TTC6: variants seen among roughly 807,000 people sequenced by gnomAD.
TTC6 encodes the protein tetratricopeptide repeat protein 6.
A neutral mutation model predicts 210.4 loss-of-function variants in TTC6; 172 were observed. The observed-to-expected ratio is 0.82, with a 90% CI of 0.72 to 0.93. The LOEUF is 0.93. Ranked by LOEUF, TTC6 falls within the 40% of genes least tolerant of loss-of-function variation. The pLI is 0.00. For missense variants in TTC6, 2,414 were observed against 2,318.1 expected (o/e 1.04, Z -0.85); for synonymous variants, 804 against 819.6 (o/e 0.98, Z 0.32).
chr14:37,680,706 C>G (rs1202111893), intron 2 of TTC6, among the ~76,000 whole-genome samples: 4 of 152,118 alleles, frequency 2.6e-5, no homozygotes, highest in African/African-American at 9.7e-5. Context: ...TTTTATCCAT[C>G]ATTGGTAAAA....
chr14:37,812,888 C>T (rs2096132910), intron 25 of TTC6, among the ~76,000 whole-genome samples: 1 of 152,168 alleles, frequency 6.6e-6, no homozygotes, highest in South Asian at 2.1e-4. Flanking sequence ...TGGTGACAGG[C>T]ATTTAGAATC....
intron 2 of TTC6, among the ~76,000 whole-genome samples, chr14:37,681,241 C>A (rs1469549983): frequency 6.6e-6 from 1 of 152,278 alleles, no homozygotes; most frequent in East Asian, 1.9e-4. Flanking sequence ...ATCAAAACTT[C>A]TGACCTCGAC....
intron 2 of TTC6, among the ~76,000 whole-genome samples, chr14:37,607,901 G>T (rs2095628009): frequency 6.6e-6 from 1 of 152,192 alleles, no homozygotes. Flanking sequence ...GATGCCCTCA[G>T]AAATCTATAA....
intron 14 of TTC6, among the ~76,000 whole-genome samples, chr14:37,780,192 A>G (rs1417424072): frequency 6.6e-6 from 1 of 152,240 alleles, no homozygotes; most frequent in East Asian, 1.9e-4. Context: ...TTAAAAATAA[A>G]TACAAAGCTC....
chr14:37,721,356 T>C (rs137941845), intron 6 of TTC6, among the ~76,000 whole-genome samples: 76 of 152,298 alleles, frequency 5.0e-4, no homozygotes, highest in Non-Finnish European at 8.1e-4. Context: ...CATTTCAGTA[T>C]AATACACAAT....
intron 14 of TTC6, among the ~76,000 whole-genome samples, chr14:37,754,027 C>T (rs567452267): frequency 6.6e-6 from 1 of 151,944 alleles, no homozygotes; most frequent in Non-Finnish European, 1.5e-5. Context: ...TATATAATCA[C>T]GTCTACTGAT....
At chr14:37,812,340 G>A (rs756849985) in exon 25 of TTC6, 13 of 1,612,976 alleles carry the variant, frequency 8.1e-6, no homozygotes, top group Non-Finnish European at 1.0e-5. Context: ...GAATTGTGCT[G>A]CTTCTTGATG....
At chr14:37,710,191 A>T (rs931958416) in intron 5 of TTC6, among the ~76,000 whole-genome samples, 1 of 152,150 alleles carries the variant, frequency 6.6e-6, no homozygotes, top group Non-Finnish European at 1.5e-5. Flanking sequence ...CCAAAGAGCA[A>T]GATAAATTTG....
At chr14:37,703,370 T>G (rs2095829232) in intron 5 of TTC6, among the ~76,000 whole-genome samples, 1 of 152,148 alleles carries the variant, frequency 6.6e-6, no homozygotes, top group Admixed American at 6.6e-5. Context: ...AATAAGAAGT[T>G]AATTTAAGTA....
At chr14:37,790,782 C>T in exon 16 of TTC6, 1 of 1,534,830 alleles carries the variant, frequency 6.5e-7, no homozygotes. Context: ...CTATGCACAT[C>T]TAAAACTTTG....
chr14:37,726,629 G>A (rs1366658919), intron 7 of TTC6, among the ~76,000 whole-genome samples: 1 of 151,932 alleles, frequency 6.6e-6, no homozygotes, highest in African/African-American at 2.4e-5. Context: ...TAACTGGATA[G>A]CATTTCATCA....
intron 14 of TTC6, among the ~76,000 whole-genome samples, chr14:37,786,383 C>G (rs1037427263): frequency 3.9e-5 from 6 of 152,330 alleles, no homozygotes; most frequent in Middle Eastern, 3.4e-3. Context: ...GACTGCTGTG[C>G]TAGCAGTGAG....
rs571396626 is a variant in TTC6 at position 37,786,672 on chromosome 14, G to A, written c.3267-796G>A. Reference sequence around the variant, plus strand: ...CGACAAGCCCCAGTGAGATGAACCCGGTACCTCAGTTGGAAATGCAGGAAT... The same window carrying A: ...CGACAAGCCCCAGTGAGATGAACCCAGTACCTCAGTTGGAAATGCAGGAAT... On this transcript the variant is annotated intron_variant, in intron 14 of 30. Coordinates refer to ENST00000553443, the Ensembl canonical transcript of TTC6. 1.1e-4 allele frequency among the ~76,000 whole-genome samples: 17 copies of A among 152,274 alleles called. No individual in the cohort carries two copies. In the East Asian group the frequency reaches 1.5e-3, roughly 14 times the overall value.
exon 1 of TTC6, chr14:37,622,710 G>A: frequency 6.5e-7 from 1 of 1,535,056 alleles, no homozygotes; most frequent in Non-Finnish European, 8.7e-7. Context: ...CGGCTACATG[G>A]AGGCCAGCAG....
chr14:37,743,030 A>T (rs1374431073), intron 10 of TTC6, among the ~76,000 whole-genome samples: 1 of 152,170 alleles, frequency 6.6e-6, no homozygotes, highest in Non-Finnish European at 1.5e-5. Flanking sequence ...ACTGTTCAAA[A>T]TTTCTGTTTC....
At chr14:37,752,032 C>A (rs187980959) in intron 13 of TTC6, among the ~76,000 whole-genome samples, 7 of 151,600 alleles carry the variant, frequency 4.6e-5, no homozygotes, top group East Asian at 3.9e-4. Context: ...TCACTGTGTT[C>A]GCCAGGATGG....
intron 14 of TTC6, among the ~76,000 whole-genome samples, chr14:37,782,640 C>T (rs1371821597): frequency 6.6e-6 from 1 of 152,054 alleles, no homozygotes; most frequent in African/African-American, 2.4e-5. Flanking sequence ...GCCTAATTGC[C>T]CTGGCCAGAA....
chr14:37,631,587 G>T (rs1411095418), intron 1 of TTC6, among the ~76,000 whole-genome samples: 1 of 152,132 alleles, frequency 6.6e-6, no homozygotes, highest in Non-Finnish European at 1.5e-5. Context: ...ATGATTATGT[G>T]TGTTGGTGTT....
intron 27 of TTC6, among the ~76,000 whole-genome samples, chr14:37,824,957 A>G (rs2096167280): frequency 6.6e-6 from 1 of 152,114 alleles, no homozygotes. Context: ...CATTAATAGG[A>G]GAAGTGACAT....
Sources: gnomAD v4.1 joint callset for allele counts (sites outside exome capture counted in the v4.1 genomes callset) on GRCh38, gnomAD v4.1.1 for gene constraint, MANE v1.5 for transcripts, NCBI Gene and HGNC (gene_info 2026-07-23, HGNC 2026-07-21) for gene names.